DCT: variants seen among roughly 807,000 people sequenced by gnomAD.
The protein encoded by DCT is dopachrome tautomerase.
DCT carries 47 observed loss-of-function variants against 53.0 expected under a neutral mutation model. That is an observed-to-expected ratio of 0.89 (90% CI 0.70 to 1.13). The LOEUF (loss-of-function observed/expected upper bound fraction) is 1.13, where lower values mean the gene tolerates loss of function less well. Ranked by LOEUF, DCT falls within the 50% of genes most tolerant of loss-of-function variation. The pLI is 0.00. For synonymous variants in DCT, 244 were observed against 237.0 expected (o/e 1.03, Z -0.27); for missense variants, 669 against 637.4 (o/e 1.05, Z -0.53).
chr13:94,458,468 TTTTG>T (rs1173649572), intron 6 of DCT, among the ~76,000 whole-genome samples: 1 of 152,078 alleles, frequency 6.6e-6, no homozygotes, highest in Non-Finnish European at 1.5e-5. Flanking sequence ...TATTTCCCCA[TTTTG>T]TTTGTCTTAG....
At chr13:94,476,984 T>C (rs1481033172) in intron 1 of DCT, among the ~76,000 whole-genome samples, 3 of 152,234 alleles carry the variant, frequency 2.0e-5, no homozygotes, top group African/African-American at 7.2e-5. Context: ...CAATATGTTA[T>C]TGAAATTTTT....
intron 7 of DCT, among the ~76,000 whole-genome samples, chr13:94,441,451 C>CA: frequency 6.6e-6 from 1 of 152,264 alleles, no homozygotes; most frequent in Non-Finnish European, 1.5e-5. Flanking sequence ...CGACCATCGC[C>CA]ACCATCCATT....
intron 6 of DCT, among the ~76,000 whole-genome samples, chr13:94,446,225 A>G (rs1184651780): frequency 6.6e-6 from 1 of 152,190 alleles, no homozygotes. Flanking sequence ...AAGATAATAT[A>G]TATTAGGTAC....
At chr13:94,451,381 T>G (rs1213710311) in intron 6 of DCT, among the ~76,000 whole-genome samples, 1 of 152,196 alleles carries the variant, frequency 6.6e-6, no homozygotes, top group East Asian at 1.9e-4. Flanking sequence ...CTATAGTGAA[T>G]GCAATTGTGA....
the DCT span, among the ~76,000 whole-genome samples, chr13:94,536,644 A>C: frequency 6.6e-6 from 1 of 152,138 alleles, no homozygotes; most frequent in Non-Finnish European, 1.5e-5. Context: ...ACCCTCTGCC[A>C]TGAATAAAAG....
chr13:94,510,886 C>A, the DCT span, among the ~76,000 whole-genome samples: 10 of 152,222 alleles, frequency 6.6e-5, no homozygotes, highest in Non-Finnish European at 1.0e-4. Flanking sequence ...CAAAAGCCTG[C>A]AATTCCTTCC....
Position 94,468,926 on chromosome 13 carries a change from C to G in DCT, c.415G>C (p.Glu139Gln), listed in dbSNP as rs1450324419. ...AGATCTAAGGCGCCCAAGAACTGCT[C>G]TCTTTCCTGAGGACTCAAGGAATGG... ...NIHSLSPQER[E>Q]QFLGALDLAK... The change falls in exon 2 of 8, where the codon GAG (glutamate) becomes CAG (glutamine). Residue 139 changes from glutamate to glutamine, a missense_variant. Coordinates refer to ENST00000377028, the MANE Select transcript of DCT (RefSeq NM_001922.5). The G allele has an allele frequency of 6.2e-7, 1 of 1,614,148 alleles. No individual in the cohort carries two copies. Among genetic ancestry groups the G allele is most frequent in the Non-Finnish European group, 8.5e-7 (1 of 1,180,034 alleles).
chr13:94,440,029 T>G lies in DCT; in HGVS notation c.1429A>C (p.Met477Leu). The G allele has an allele frequency of 6.2e-7, 1 of 1,614,074 alleles. No individual in the cohort carries two copies. The highest frequency in any genetic ancestry group is 8.5e-7 in the Non-Finnish European group (1 of 1,179,934). The change falls in exon 8 of 8, where the codon ATG becomes CTG. Residue 477 changes from methionine (M) to leucine (L), a missense_variant. By Grantham distance (15) the Met-to-Leu change is conservative. Coordinates refer to ENST00000377028, the MANE Select transcript of DCT (RefSeq NM_001922.5). ...CCAACCAAAGCCACCAGTGTTCCCA[T>G]GACTACTAAGAGAGTTGTGGGCCAA... ...PGWPTTLLVV[M>L]GTLVALVGLF...
intron 4 of DCT, among the ~76,000 whole-genome samples, chr13:94,464,414 C>T (rs570367986): frequency 1.5e-3 from 221 of 152,202 alleles, no homozygotes; most frequent in Non-Finnish European, 2.2e-3. Context: ...CCAAGGCAGG[C>T]AGATTACGTG....
chr13:94,466,525 A>T, intron 3 of DCT, 33 bp downstream of exon 3: 1 of 1,447,512 alleles, frequency 6.9e-7, no homozygotes, highest in Non-Finnish European at 9.4e-7. Flanking sequence ...TTTTTAAAAA[A>T]TTAAAAGAAC....
chr13:94,488,619 A>G, the DCT span, among the ~76,000 whole-genome samples: 2 of 151,762 alleles, frequency 1.3e-5, no homozygotes, highest in African/African-American at 2.4e-5. Context: ...GGAAGCTGAG[A>G]TGGGAGAATA....
At chr13:94,499,649 G>A in the DCT span, among the ~76,000 whole-genome samples, 4 of 152,184 alleles carry the variant, frequency 2.6e-5, no homozygotes, top group South Asian at 2.1e-4. Flanking sequence ...GTGCACCATC[G>A]GTGGCCTAGA....
At chr13:94,480,753 C>T (rs7999881), upstream of DCT, among the ~76,000 whole-genome samples, 1 of 152,208 alleles carries the variant, frequency 6.6e-6, no homozygotes, top group Non-Finnish European at 1.5e-5. Context: ...TGTTAGAAAA[C>T]ATCTAGGCAA....
rs1881986404 is a variant in DCT, at chr13:94,437,695, A to G, written c.*2203T>C. ...TGCATGATATTCAATGTAAGTAAAT[A>G]CCAACTTTTTATTCTGTTGGTTTAT... On this transcript the variant is annotated 3_prime_UTR_variant, in exon 8 of 8. Transcript: ENST00000377028. 6.6e-6 allele frequency: 1 copy of G among 152,218 alleles called. No individual in the cohort carries two copies. The highest frequency in any genetic ancestry group is 1.5e-5 in the Non-Finnish European group (1 of 68,026). The allele number at this position is 152,218 out of a possible 1,614,324, so 9.4% of individuals were successfully genotyped here.
chr13:94,504,938 C>T, the DCT span, among the ~76,000 whole-genome samples: 1 of 151,924 alleles, frequency 6.6e-6, no homozygotes, highest in African/African-American at 2.4e-5. Flanking sequence ...TGTGTGTTCA[C>T]ATGTTCATCT....
At chr13:94,492,262 T>A in the DCT span, among the ~76,000 whole-genome samples, 1 of 152,216 alleles carries the variant, frequency 6.6e-6, no homozygotes, top group Non-Finnish European at 1.5e-5. Context: ...AAACTTCAAC[T>A]GAAATATCCA....
At position 94,462,097 on chromosome 13, in the gene DCT, A is replaced by C; in HGVS notation, c.956T>G (p.Leu319Trp). 1 of 1,613,218 alleles carries C rather than the reference A, an allele frequency of 6.2e-7. No homozygotes were observed. Among genetic ancestry groups the C allele is most frequent in the Admixed American group, 1.7e-5 (1 of 59,854 alleles). The stretch of plus-strand genomic sequence containing the variant: ...ATCTCGTATGTCTTTTAAGGTTGGC[A>C]ATTTCATGCTGTTTCTTCCCATTTG... ...RNQMGRNSMK[L>W]PTLKDIRDCL... The change falls in exon 5 of 8, where the codon TTG (leucine) becomes TGG (tryptophan). Residue 319 changes from leucine (L) to tryptophan (W), a missense_variant. Physicochemically the swap from Leu to Trp is moderately conservative, Grantham distance 61. Coordinates refer to ENST00000377028, the MANE Select transcript of DCT (RefSeq NM_001922.5).
intron 7 of DCT, among the ~76,000 whole-genome samples, chr13:94,442,588 TG>T (rs1440180565): frequency 6.6e-6 from 1 of 152,250 alleles, no homozygotes; most frequent in Non-Finnish European, 1.5e-5. Context: ...ACATGTGCCC[TG>T]TATATACTTG....
chr13:94,549,348 G>A, the DCT span, among the ~76,000 whole-genome samples: 4 of 152,188 alleles, frequency 2.6e-5, no homozygotes, highest in South Asian at 8.3e-4. Flanking sequence ...GCGGCGCGCG[G>A]CCCCGTCTCG....
Sources: gnomAD v4.1 joint callset for allele counts (sites outside exome capture counted in the v4.1 genomes callset) on GRCh38, gnomAD v4.1.1 for gene constraint, MANE v1.5 for transcripts, NCBI Gene and HGNC (gene_info 2026-07-23, HGNC 2026-07-21) for gene names.